KIF3B: variants seen among roughly 807,000 people sequenced by gnomAD.
KIF3B encodes kinesin family member 3B.
In KIF3B, 38 loss-of-function variants were observed where a neutral mutation model predicts 74.3. The observed-to-expected ratio is 0.51, with a 90% CI of 0.39 to 0.67. The LOEUF (loss-of-function observed/expected upper bound fraction) is 0.67, where lower values mean the gene tolerates loss of function less well. Ranked by LOEUF, KIF3B falls within the 30% of genes least tolerant of loss-of-function variation. KIF3B has a pLI of 0.00. For synonymous variants in KIF3B, 326 were observed against 342.5 expected, an observed-to-expected ratio of 0.95 and a Z score of 0.53; for missense variants, 649 against 932.0, an observed-to-expected ratio of 0.70 and a Z score of 3.95.
At chr20:32,297,338 A>G (rs1198177767) in intron 1 of KIF3B, among the ~76,000 whole-genome samples, 2 of 152,160 alleles carry the variant, frequency 1.3e-5, no homozygotes, top group Non-Finnish European at 1.5e-5. Flanking sequence ...CCAGACCTCT[A>G]TTTTTTCCCA....
intron 5 of KIF3B, among the ~76,000 whole-genome samples, chr20:32,322,433 A>T (rs950475698): frequency 2.7e-5 from 4 of 149,278 alleles, no homozygotes; most frequent in Admixed American, 1.4e-4. Context: ...ACATGGTGAA[A>T]CCCTGTCTCT....
Position 32,310,231 on chromosome 20 carries a change from A to T in KIF3B, c.454A>T (p.Ile152Phe). The change falls in exon 2 of 9, where the codon ATC becomes TTC. Residue 152 changes from isoleucine to phenylalanine, a missense_variant. Coordinates refer to ENST00000375712, the MANE Select transcript of KIF3B (RefSeq NM_004798.4). This position sits in a 1 kb window ranked among gnomAD's most constrained non-coding sequence, Gnocchi z 6.5. ...ASYLEIYQEE[I>F]RDLLSKDQTK... ...TTACTTAGAGATCTACCAGGAGGAG[A>T]TCCGAGATTTGCTCTCAAAGGATCA... 6.2e-7 allele frequency: 1 copy of T among 1,613,978 alleles called. No individual in the cohort carries two copies. The highest frequency in any genetic ancestry group is 8.5e-7 in the Non-Finnish European group (1 of 1,179,930).
intron 1 of KIF3B, among the ~76,000 whole-genome samples, chr20:32,294,347 G>C (rs1030517482): frequency 1.3e-5 from 2 of 152,074 alleles, no homozygotes; most frequent in African/African-American, 2.4e-5. Context: ...ACGTTTTTAG[G>C]TTTCTTTCCG....
In KIF3B at chr20:32,330,046, A is replaced by G. The variant is rs1052973122; in HGVS notation, c.1969-95A>G. The G allele has an allele frequency of 3.5e-6, 4 of 1,146,120 alleles. No individual in the cohort carries two copies. The African/African-American group carries it at 4.7e-5, about 14-fold the overall frequency. 71.0% of individuals were successfully genotyped at this position (1,146,120 alleles called of 1,614,324 possible). On this transcript the variant is annotated intron_variant, in intron 7 of 8. Coordinates refer to ENST00000375712, the MANE Select transcript of KIF3B (RefSeq NM_004798.4). The stretch of plus-strand genomic sequence containing the variant: ...CTTGATAGGCCCTGAATAACAAGCA[A>G]TTTGCACTTCTATTCTTGGAGGGGC...
intron 1 of KIF3B, among the ~76,000 whole-genome samples, chr20:32,278,648 C>G (rs1320298759): frequency 1.3e-5 from 2 of 152,154 alleles, no homozygotes. Flanking sequence ...TCTTTGAGGT[C>G]AACCCCTTGT....
intron 1 of KIF3B, among the ~76,000 whole-genome samples, chr20:32,280,244 A>G (rs2122649716): frequency 6.6e-6 from 1 of 152,212 alleles, no homozygotes; most frequent in African/African-American, 2.4e-5. Flanking sequence ...CTTGTGCTGT[A>G]TTTTCCGTGT....
At chr20:32,278,824 A>G (rs142552886) in intron 1 of KIF3B, among the ~76,000 whole-genome samples, 5 of 151,468 alleles carry the variant, frequency 3.3e-5, no homozygotes, top group Admixed American at 1.3e-4. Context: ...TTTAATCTTT[A>G]TGTAGACTTT....
At chr20:32,315,019 C>G (rs1457115039) in intron 2 of KIF3B, among the ~76,000 whole-genome samples, 1 of 152,166 alleles carries the variant, frequency 6.6e-6, no homozygotes, top group Non-Finnish European at 1.5e-5. Flanking sequence ...GCCTTTGGAT[C>G]CTGCCTCATC....
chr20:32,317,950 G>GT (rs1211236660), intron 5 of KIF3B, among the ~76,000 whole-genome samples: 6 of 152,056 alleles, frequency 3.9e-5, no homozygotes, highest in Non-Finnish European at 8.8e-5. Context: ...CCACAATACT[G>GT]TTTTTAAAAA....
At chr20:32,300,023 G>T (rs1392256854) in intron 1 of KIF3B, among the ~76,000 whole-genome samples, 2 of 152,038 alleles carry the variant, frequency 1.3e-5, no homozygotes. Flanking sequence ...CAATCCTCCT[G>T]CCTTGTCCTC....
intron 5 of KIF3B, 104 bp downstream of exon 5, chr20:32,316,978 G>A: frequency 2.4e-6 from 2 of 832,418 alleles, no homozygotes; most frequent in South Asian, 2.9e-5. Flanking sequence ...GCCTACGCCT[G>A]TAATCCCAGT....
intron 5 of KIF3B, among the ~76,000 whole-genome samples, chr20:32,322,690 T>TTATATATTTATATATATTTA (rs2047869190): frequency 1.9e-5 from 1 of 53,718 alleles, no homozygotes; most frequent in African/African-American, 1.3e-4. Flanking sequence ...TTATATATAT[T>TTATATATTTATATATATTTA]TATATATATT....
chr20:32,294,518 G>T (rs545683506), intron 1 of KIF3B, among the ~76,000 whole-genome samples: 1 of 152,112 alleles, frequency 6.6e-6, no homozygotes, highest in Non-Finnish European at 1.5e-5. Context: ...TAGCCTGCAG[G>T]CGCACCACCC....
chr20:32,303,648 A>ACCT (rs2047755021), intron 1 of KIF3B, among the ~76,000 whole-genome samples: 1 of 151,910 alleles, frequency 6.6e-6, no homozygotes. Flanking sequence ...CAGGTGGATC[A>ACCT]CCTGAGATGA....
In KIF3B at chr20:32,327,653, C is replaced by T. The variant is rs773247307; in HGVS notation, c.1960C>T (p.Arg654Ter). The T allele has an allele frequency of 5.6e-6, 9 of 1,611,678 alleles. No individual in the cohort carries two copies. The highest frequency in any genetic ancestry group is 3.3e-5 in the Admixed American group (2 of 59,938). The change falls in exon 7 of 9, where the codon CGA becomes TGA. Residue 654 changes from arginine (R) to a stop codon, truncating the protein, a stop_gained. Coordinates refer to ENST00000375712, the MANE Select transcript of KIF3B (RefSeq NM_004798.4). LOFTEE classifies it high-confidence loss of function. ...RMSMMIRPEA[R>*]YRAENIVLLE... ...GTCCATGATGATTCGTCCAGAGGCC[C>T]GATATAGGGTGAGAAGATCCTTCTT...
chr20:32,291,215 A>G lies in KIF3B; in HGVS notation c.-66+13450A>G, dbSNP rs576769586. 1.6e-4 allele frequency among the ~76,000 whole-genome samples: 24 copies of G among 152,356 alleles called. No individual in the cohort carries two copies. In the East Asian group the frequency reaches 1.9e-3, roughly 12 times the overall value. On this transcript the variant is annotated intron_variant, in intron 1 of 8. Coordinates refer to ENST00000375712, the MANE Select transcript of KIF3B (RefSeq NM_004798.4). ...TGAATATAGTTAACACTACTGAACTATACACTTAAAATGATTAAGAGGGTA... is the reference window on the plus strand; with the variant it reads ...TGAATATAGTTAACACTACTGAACTGTACACTTAAAATGATTAAGAGGGTA...
chr20:32,299,390 TATATATATA>T (rs2047731164), intron 1 of KIF3B, among the ~76,000 whole-genome samples: 1 of 42,692 alleles, frequency 2.3e-5, no homozygotes, highest in African/African-American at 1.4e-4. Flanking sequence ...TATATATATA[TATATATATA>T]TATATTTTTT....
intron 1 of KIF3B, among the ~76,000 whole-genome samples, chr20:32,299,496 C>T (rs2047733344): frequency 6.9e-6 from 1 of 144,204 alleles, no homozygotes; most frequent in African/African-American, 2.6e-5. Flanking sequence ...CTTGCAACCT[C>T]CGACTCTTGG....
intron 1 of KIF3B, among the ~76,000 whole-genome samples, chr20:32,297,442 A>G (rs1159033947): frequency 6.6e-6 from 1 of 152,194 alleles, no homozygotes; most frequent in African/African-American, 2.4e-5. Context: ...CCCAAGGTTG[A>G]CCACTATTGA....
Sources: gnomAD v4.1 joint callset for allele counts (sites outside exome capture counted in the v4.1 genomes callset) on GRCh38, gnomAD v4.1.1 for gene constraint, Gnocchi (gnomAD v3.1) non-coding constraint, MANE v1.5 for transcripts, NCBI Gene and HGNC (gene_info 2026-07-23, HGNC 2026-07-21) for gene names.